TENM3: variants seen among roughly 807,000 people sequenced by gnomAD.
TENM3 encodes teneurin-3.
Under a neutral mutation model 255.1 loss-of-function variants are expected in TENM3, and 63 were observed. The observed-to-expected ratio is 0.25, with a 90% CI of 0.20 to 0.30. The LOEUF is 0.30. Ranked by LOEUF, TENM3 falls within the 10% of genes least tolerant of loss-of-function variation. TENM3 has a pLI of 1.00. For synonymous variants in TENM3, 1,306 were observed against 1,322.3 expected (o/e 0.99, Z 0.27); for missense variants, 2,929 against 3,461.1 (o/e 0.85, Z 3.86).
chr4:181,518,431 G>A, the TENM3 span, among the ~76,000 whole-genome samples: 1 of 151,964 alleles, frequency 6.6e-6, no homozygotes, highest in East Asian at 1.9e-4. Context: ...GGTTTGGTTT[G>A]GTTTGGTTTT....
the TENM3 span, among the ~76,000 whole-genome samples, chr4:181,801,476 C>T: frequency 6.6e-6 from 1 of 151,596 alleles, no homozygotes; most frequent in East Asian, 1.9e-4. Flanking sequence ...GTGGTGAACC[C>T]GAGGAGGGTG....
intron 1 of TENM3, among the ~76,000 whole-genome samples, chr4:182,228,900 T>C (rs746311511): frequency 1.3e-5 from 2 of 152,138 alleles, no homozygotes; most frequent in Non-Finnish European, 2.9e-5. Flanking sequence ...TACTGACATC[T>C]TTTCCTTTGT....
chr4:181,944,462 AT>A, the TENM3 span, among the ~76,000 whole-genome samples: 2 of 152,088 alleles, frequency 1.3e-5, no homozygotes, highest in Non-Finnish European at 2.9e-5. Context: ...AGTCCCCTCC[AT>A]TCAAATGCCA....
At chr4:182,285,160 C>G (rs1173385400) in intron 1 of TENM3, among the ~76,000 whole-genome samples, 1 of 151,884 alleles carries the variant, frequency 6.6e-6, no homozygotes, top group African/African-American at 2.4e-5. Flanking sequence ...TGCACTTCTC[C>G]CTTGTGGTTT....
chr4:181,571,046 G>T, the TENM3 span, among the ~76,000 whole-genome samples: 1 of 152,168 alleles, frequency 6.6e-6, no homozygotes, highest in African/African-American at 2.4e-5. Flanking sequence ...TTTGTCCTCT[G>T]CTGTGCCATC....
intron 3 of TENM3, among the ~76,000 whole-genome samples, chr4:182,411,453 C>A (rs1281284720): frequency 2.0e-5 from 3 of 152,146 alleles, no homozygotes; most frequent in Non-Finnish European, 4.4e-5. Flanking sequence ...AGAGGAGGTT[C>A]TGAGTATGGC....
the TENM3 span, among the ~76,000 whole-genome samples, chr4:182,105,127 T>C: frequency 6.6e-6 from 1 of 152,172 alleles, no homozygotes; most frequent in South Asian, 2.1e-4. Flanking sequence ...GCGGGAGGAT[T>C]GGTTGAGTCC....
chr4:182,445,519 T>A (rs1408790173), intron 3 of TENM3, among the ~76,000 whole-genome samples: 1 of 152,184 alleles, frequency 6.6e-6, no homozygotes, highest in Non-Finnish European at 1.5e-5. Context: ...TTCTTCAAGG[T>A]TTTTGTCCTA....
At chr4:181,644,654 T>C in the TENM3 span, among the ~76,000 whole-genome samples, 1 of 152,124 alleles carries the variant, frequency 6.6e-6, no homozygotes, top group Non-Finnish European at 1.5e-5. Flanking sequence ...CTGTAATGTG[T>C]AGGCTGATCT....
the TENM3 span, among the ~76,000 whole-genome samples, chr4:181,637,670 G>T: frequency 1.3e-5 from 2 of 152,206 alleles, no homozygotes; most frequent in African/African-American, 2.4e-5. Flanking sequence ...CACAGTAGGG[G>T]TTAGAATCTC....
At chr4:182,468,827 TG>T (rs1173088194) in intron 3 of TENM3, among the ~76,000 whole-genome samples, 5 of 20,032 alleles carry the variant, frequency 2.5e-4, no homozygotes, top group Non-Finnish European at 5.5e-4. Flanking sequence ...TGTGTGCTTG[TG>T]TGTGTGTGTG....
chr4:181,636,698 T>A, the TENM3 span, among the ~76,000 whole-genome samples: 1 of 152,198 alleles, frequency 6.6e-6, no homozygotes, highest in Non-Finnish European at 1.5e-5. Context: ...CGTGTCTTAC[T>A]GGATTATTGG....
chr4:182,335,954 G>A (rs780425543), intron 2 of TENM3, among the ~76,000 whole-genome samples: 1 of 152,146 alleles, frequency 6.6e-6, no homozygotes, highest in African/African-American at 2.4e-5. Context: ...TGGGAAAGGC[G>A]GTAGCTAATC....
chr4:182,747,671 A>G (rs550014419), intron 19 of TENM3, among the ~76,000 whole-genome samples: 1 of 152,246 alleles, frequency 6.6e-6, no homozygotes, highest in Non-Finnish European at 1.5e-5. Flanking sequence ...AGAACTAAAA[A>G]TCAACTTTGT....
At chr4:181,638,682 CA>C in the TENM3 span, among the ~76,000 whole-genome samples, 1 of 152,152 alleles carries the variant, frequency 6.6e-6, no homozygotes, top group Non-Finnish European at 1.5e-5. Flanking sequence ...TATTGGAAAA[CA>C]TAATACATCA....
In TENM3 at chr4:182,775,069, C is replaced by T. The variant is rs764172331; in HGVS notation, c.5220C>T (p.Gly1740=). 31 of 1,613,976 alleles carry T rather than the reference C, an allele frequency of 1.9e-5. No homozygotes were observed. Among genetic ancestry groups the T allele is most frequent in the Admixed American group, 5.0e-5 (3 of 60,024 alleles). ...CCAAAAGAAACATGACTTTGCCTGG[C>T]GAGAACGGTCAAAACTTGGTGGAAT... The part of the protein sequence containing the change: ...TVAKRNMTLP[G]ENGQNLVEWR... Residue 1740 remains glycine, a synonymous_variant, in exon 24 of 28, where the codon GGC becomes GGT. Coordinates refer to ENST00000511685, the MANE Select transcript of TENM3 (RefSeq NM_001080477.4).
the TENM3 span, among the ~76,000 whole-genome samples, chr4:182,010,568 C>T: frequency 1.3e-5 from 2 of 151,914 alleles, no homozygotes; most frequent in Admixed American, 6.6e-5. Flanking sequence ...AAATGGGATT[C>T]GTATGGATTA....
chr4:181,953,906 C>T, the TENM3 span, among the ~76,000 whole-genome samples: 1 of 152,040 alleles, frequency 6.6e-6, no homozygotes, highest in Non-Finnish European at 1.5e-5. Context: ...TTTCCATCAC[C>T]CTGAACGTTT....
intron 1 of TENM3, among the ~76,000 whole-genome samples, chr4:182,322,668 C>G (rs1763127572): frequency 6.6e-6 from 1 of 152,154 alleles, no homozygotes; most frequent in Non-Finnish European, 1.5e-5. Flanking sequence ...TGTATACTGA[C>G]AGTGCATGCT....
Sources: allele counts gnomAD v4.1 joint callset (sites outside exome capture counted in the v4.1 genomes callset), GRCh38; gene constraint gnomAD v4.1.1; transcripts MANE v1.5; gene names NCBI Gene and HGNC (gene_info 2026-07-23, HGNC 2026-07-21).